Variants in KCNH5 observed in about 807,000 individuals in gnomAD.
KCNH5 encodes the protein voltage-gated delayed rectifier potassium channel KCNH5.
A neutral mutation model predicts 96.1 loss-of-function variants in KCNH5; 46 were observed. That is an observed-to-expected ratio of 0.48 (90% CI 0.38 to 0.61). The LOEUF is 0.61. Among genes scored for constraint, KCNH5 ranks in the 20% least tolerant of loss-of-function variants. The pLI is 0.00. For synonymous variants in KCNH5, 439 were observed against 449.8 expected (o/e 0.98, Z 0.30); for missense variants, 907 against 1,225.8 (o/e 0.74, Z 3.88).
chr14:62,789,130 TG>T (rs1886379372), intron 9 of KCNH5, among the ~76,000 whole-genome samples: 1 of 152,072 alleles, frequency 6.6e-6, no homozygotes, highest in African/African-American at 2.4e-5. Flanking sequence ...TCTCTATCTT[TG>T]TATATTTGAC....
At chr14:62,929,939 C>A (rs1889548542) in intron 7 of KCNH5, among the ~76,000 whole-genome samples, 2 of 152,068 alleles carry the variant, frequency 1.3e-5, no homozygotes, top group Admixed American at 1.3e-4. Context: ...CCAGCTCCAT[C>A]CAAGTTGCTG....
In KCNH5 at chr14:62,707,994, G is replaced by C. The variant is rs750798881; in HGVS notation, c.2481C>G (p.Asp827Glu). 1.9e-6 allele frequency: 3 copies of C among 1,614,046 alleles called. No homozygotes were observed. The highest frequency in any genetic ancestry group is 2.5e-6 in the Non-Finnish European group (3 of 1,180,040). The part of the protein sequence containing the change: ...NMGAHEEKKE[D>E]WNNVTKAESM... Reference sequence around the variant, plus strand: ...ACTCAGCTTTAGTGACATTATTCCAGTCTTCCTTTTTCTCCTCATGGGCTC... The same window carrying C: ...ACTCAGCTTTAGTGACATTATTCCACTCTTCCTTTTTCTCCTCATGGGCTC... Residue 827 changes from aspartate to glutamate, a missense_variant, in exon 11 of 11, where the codon GAC becomes GAG. By Grantham distance (45) the Asp-to-Glu change is conservative. This residue lies in a region of KCNH5 where 362 missense variants were observed against 394.4 expected (regional missense o/e 0.92). Coordinates refer to ENST00000322893, the MANE Select transcript of KCNH5 (RefSeq NM_139318.5).
intron 10 of KCNH5, among the ~76,000 whole-genome samples, chr14:62,770,452 T>C (rs909901030): frequency 1.3e-5 from 2 of 152,242 alleles, no homozygotes; most frequent in Admixed American, 6.5e-5. Context: ...AAATACAGGA[T>C]TGCTACTACG....
intron 8 of KCNH5, among the ~76,000 whole-genome samples, chr14:62,845,726 G>A (rs183136378): frequency 8.5e-4 from 128 of 150,396 alleles, no homozygotes; most frequent in African/African-American, 2.9e-3. Flanking sequence ...TAGTGTTTCC[G>A]TTAATTTCAA....
intron 7 of KCNH5, among the ~76,000 whole-genome samples, chr14:62,910,136 C>G (rs917535240): frequency 6.9e-6 from 1 of 145,698 alleles, no homozygotes; most frequent in Non-Finnish European, 1.5e-5. Context: ...ATTCACTACA[C>G]TAACATGTTA....
chr14:63,001,639 C>A (rs1396820913), intron 3 of KCNH5, among the ~76,000 whole-genome samples, 180 bp from the exon 4 acceptor site: 3 of 152,202 alleles, frequency 2.0e-5, no homozygotes, highest in Non-Finnish European at 4.4e-5. Context: ...TATCAACTAC[C>A]AGTTGTTCAA....
At chr14:62,792,323 A>AT (rs1055127099) in intron 9 of KCNH5, among the ~76,000 whole-genome samples, 10 of 151,342 alleles carry the variant, frequency 6.6e-5, no homozygotes, top group Non-Finnish European at 1.3e-4. Flanking sequence ...TAGCTCGTAG[A>AT]TTTTTTTTAC....
At position 62,701,578 on chromosome 14, in the gene KCNH5, A is replaced by C. The variant is rs564810204; in HGVS notation, c.*5930T>G. 2 of 152,132 alleles carry C rather than the reference A, an allele frequency of 1.3e-5. No homozygotes were observed. The highest frequency in any genetic ancestry group is 4.8e-5 in the African/African-American group (2 of 41,446). The allele number at this position is 152,132 out of a possible 1,614,324, so 9.4% of individuals were successfully genotyped here. On this transcript the variant is annotated 3_prime_UTR_variant, in exon 11 of 11. Coordinates refer to ENST00000322893, the MANE Select transcript of KCNH5 (RefSeq NM_139318.5). ...GGATGGTGTCAGTGGGGTCCTTCAC[A>C]GTCATTATTTTAAAAGTAGGATTCT...
chr14:62,976,968 A>G (rs11849621), intron 6 of KCNH5, among the ~76,000 whole-genome samples: 2,595 of 152,316 alleles, frequency 0.017, 64 homozygotes, highest in African/African-American at 0.06. Context: ...TAGAAAACAT[A>G]AAATCAGACA....
chr14:62,912,723 T>A (rs1278812850), intron 7 of KCNH5, among the ~76,000 whole-genome samples: 1 of 152,190 alleles, frequency 6.6e-6, no homozygotes, highest in Non-Finnish European at 1.5e-5. Context: ...TTTCTTTTAA[T>A]AATTGTCTCT....
chr14:62,865,042 T>C (rs1407038033), intron 7 of KCNH5, among the ~76,000 whole-genome samples: 1 of 152,026 alleles, frequency 6.6e-6, no homozygotes, highest in Admixed American at 6.5e-5. Flanking sequence ...GAAAACGAGA[T>C]GGAACTAGTC....
At chr14:62,731,643 T>A (rs963654015) in intron 10 of KCNH5, among the ~76,000 whole-genome samples, 1 of 152,236 alleles carries the variant, frequency 6.6e-6, no homozygotes, top group East Asian at 1.9e-4. Context: ...ATAATACTTG[T>A]AGGAATTTTG....
chr14:63,025,970 C>A (rs180726475), intron 1 of KCNH5, among the ~76,000 whole-genome samples: 1 of 151,586 alleles, frequency 6.6e-6, no homozygotes, highest in African/African-American at 2.4e-5. Context: ...AAATCTACTA[C>A]AAAGTTATAG....
At chr14:62,813,991 G>A (rs1886923352) in intron 8 of KCNH5, among the ~76,000 whole-genome samples, 1 of 152,078 alleles carries the variant, frequency 6.6e-6, no homozygotes, top group Non-Finnish European at 1.5e-5. Context: ...AACCTCCAAG[G>A]AAATAACCCA....
At chr14:62,744,373 C>A (rs1885332573) in intron 10 of KCNH5, among the ~76,000 whole-genome samples, 1 of 152,138 alleles carries the variant, frequency 6.6e-6, no homozygotes, top group Non-Finnish European at 1.5e-5. Context: ...GATTTCTAAA[C>A]TGTAAGAGCT....
At chr14:62,832,083 A>C (rs1277066359) in intron 8 of KCNH5, among the ~76,000 whole-genome samples, 1 of 152,212 alleles carries the variant, frequency 6.6e-6, no homozygotes, top group Non-Finnish European at 1.5e-5. Context: ...GTCATATTAA[A>C]GCAATTTAAA....
At chr14:62,845,635 G>A (rs542434116) in intron 8 of KCNH5, among the ~76,000 whole-genome samples, 8 of 152,318 alleles carry the variant, frequency 5.3e-5, no homozygotes, top group Non-Finnish European at 1.2e-4. Context: ...GGTGAATGAA[G>A]GTGGTGAGAA....
intron 1 of KCNH5, among the ~76,000 whole-genome samples, chr14:63,033,142 A>G (rs1208597165): frequency 6.6e-5 from 10 of 151,920 alleles, no homozygotes; most frequent in African/African-American, 7.3e-5. Context: ...CTGGTCTCCC[A>G]CTCTTTCTCC....
At chr14:62,753,000 G>A (rs1337588459) in intron 10 of KCNH5, among the ~76,000 whole-genome samples, 1 of 152,072 alleles carries the variant, frequency 6.6e-6, no homozygotes, top group East Asian at 1.9e-4. Context: ...CAAACAAACT[G>A]AACAAGAAAC....
Sources: allele counts gnomAD v4.1 joint callset (sites outside exome capture counted in the v4.1 genomes callset), GRCh38; gene constraint gnomAD v4.1.1; regional missense constraint gnomAD v4.1.1; transcripts MANE v1.5; gene names NCBI Gene and HGNC (gene_info 2026-07-23, HGNC 2026-07-21).